The following TLK2 variants were observed in gnomAD, a reference collection of about 807,000 sequenced individuals.
TLK2 encodes the protein tousled like kinase 2, also known as serine/threonine-protein kinase tousled-like 2.
In TLK2, 6 loss-of-function variants were observed where a neutral mutation model predicts 117.3. That is an observed-to-expected ratio of 0.05 (90% CI 0.03 to 0.10). The LOEUF is 0.10. Ranked by LOEUF, TLK2 falls within the 10% of genes least tolerant of loss-of-function variation. The pLI is 1.00. For synonymous variants in TLK2, 257 were observed against 316.7 expected, an observed-to-expected ratio of 0.81 and a Z score of 2.00; for missense variants, 299 against 901.2, an observed-to-expected ratio of 0.33 and a Z score of 8.56.
At chr17:62,506,758 T>G (rs1382164237) in intron 2 of TLK2, among the ~76,000 whole-genome samples, 1 of 152,174 alleles carries the variant, frequency 6.6e-6, no homozygotes, top group East Asian at 1.9e-4. Context: ...AATATTGAAT[T>G]TGTTCTCGAT....
intron 2 of TLK2, among the ~76,000 whole-genome samples, chr17:62,499,401 G>A (rs948117115): frequency 6.6e-6 from 1 of 151,884 alleles, no homozygotes; most frequent in Non-Finnish European, 1.5e-5. Flanking sequence ...CTGGGTTCAA[G>A]TGATTCGCCC....
intron 11 of TLK2, among the ~76,000 whole-genome samples, chr17:62,568,509 G>A (rs1208624972): frequency 6.6e-6 from 1 of 151,966 alleles, no homozygotes; most frequent in Non-Finnish European, 1.5e-5. Flanking sequence ...TATAACTAGA[G>A]GAAGAAATTA....
chr17:62,521,873 A>T (rs1041966214), intron 3 of TLK2, among the ~76,000 whole-genome samples: 1 of 152,224 alleles, frequency 6.6e-6, no homozygotes, highest in African/African-American at 2.4e-5. Context: ...GTGTAACAAC[A>T]GTTTTCTGAG....
intron 8 of TLK2, 64 bp downstream of exon 8, chr17:62,552,461 G>A: frequency 6.2e-7 from 1 of 1,606,880 alleles, no homozygotes; most frequent in Non-Finnish European, 8.5e-7. Flanking sequence ...GGGCTAACCT[G>A]TGTAGTCTGT....
chr17:62,608,720 G>A (rs1448967639), intron 21 of TLK2, among the ~76,000 whole-genome samples: 2 of 152,272 alleles, frequency 1.3e-5, no homozygotes, highest in East Asian at 1.9e-4. Flanking sequence ...ACCATGACAC[G>A]GGATTATGGG....
intron 2 of TLK2, among the ~76,000 whole-genome samples, chr17:62,496,302 C>A (rs550033394): frequency 7.9e-5 from 12 of 151,932 alleles, no homozygotes; most frequent in African/African-American, 2.9e-4. Context: ...TATGGCTGAA[C>A]CGTTTCCTGT....
At chr17:62,512,526 T>TA (rs1378125148) in intron 2 of TLK2, among the ~76,000 whole-genome samples, 1 of 152,158 alleles carries the variant, frequency 6.6e-6, no homozygotes, top group Non-Finnish European at 1.5e-5. Context: ...TCCTCTTTAG[T>TA]AAAATGTCTA....
intron 2 of TLK2, among the ~76,000 whole-genome samples, chr17:62,481,896 T>G (rs1182501391): frequency 6.6e-6 from 1 of 152,214 alleles, no homozygotes; most frequent in Non-Finnish European, 1.5e-5. Flanking sequence ...AAAAGCTTTA[T>G]TGGTCCAAGA....
intron 2 of TLK2, among the ~76,000 whole-genome samples, chr17:62,519,181 A>T (rs1397754053): frequency 1.3e-5 from 2 of 152,144 alleles, no homozygotes; most frequent in Non-Finnish European, 2.9e-5. Context: ...CACTGCTCCC[A>T]GCCTGTTTTG....
intron 15 of TLK2, among the ~76,000 whole-genome samples, chr17:62,581,414 C>T (rs993990926): frequency 1.3e-5 from 2 of 150,672 alleles, no homozygotes; most frequent in Non-Finnish European, 2.9e-5. Context: ...GTGCACTACT[C>T]TACTGGTTTT....
At chr17:62,572,837 C>G (rs2146607087) in intron 11 of TLK2, 1 of 154,526 alleles carries the variant, frequency 6.5e-6, no homozygotes, top group South Asian at 2.0e-4. Flanking sequence ...GAACTTGGAA[C>G]TTTTTACAAC....
chr17:62,561,692 T>C (rs2146368290), intron 10 of TLK2, among the ~76,000 whole-genome samples: 1 of 152,334 alleles, frequency 6.6e-6, no homozygotes, highest in East Asian at 1.9e-4. Flanking sequence ...CCGAAGATAC[T>C]GGGGGAAATT....
At chr17:62,580,761 C>T (rs571323045) in intron 15 of TLK2, among the ~76,000 whole-genome samples, 1 of 152,218 alleles carries the variant, frequency 6.6e-6, no homozygotes, top group South Asian at 2.1e-4. Flanking sequence ...AGCTACAGAT[C>T]CATAACATGT....
At chr17:62,496,060 A>T (rs1259111258) in intron 2 of TLK2, among the ~76,000 whole-genome samples, 2 of 152,042 alleles carry the variant, frequency 1.3e-5, no homozygotes, top group Non-Finnish European at 2.9e-5. Flanking sequence ...TTTCTCCCTT[A>T]TCCACCTGGT....
At chr17:62,484,670 G>A (rs1192355910) in intron 2 of TLK2, among the ~76,000 whole-genome samples, 1 of 152,118 alleles carries the variant, frequency 6.6e-6, no homozygotes, top group Non-Finnish European at 1.5e-5. Flanking sequence ...GTGTGGAGGG[G>A]ATGATGATAC....
chr17:62,481,009 T>A, intron 1 of TLK2, 112 bp from the exon 2 acceptor site: 2 of 964,318 alleles, frequency 2.1e-6, no homozygotes, highest in South Asian at 3.0e-5. Context: ...TACTTGAGAT[T>A]TACCTGCATT....
At chr17:62,523,579 A>AG (rs902450322) in intron 5 of TLK2, among the ~76,000 whole-genome samples, 1 of 152,152 alleles carries the variant, frequency 6.6e-6, no homozygotes, top group Non-Finnish European at 1.5e-5. Flanking sequence ...GTCTCCAAAA[A>AG]AAAGAAAGAA....
intron 17 of TLK2, among the ~76,000 whole-genome samples, chr17:62,598,887 A>G (rs2082676565): frequency 6.6e-6 from 1 of 152,284 alleles, no homozygotes; most frequent in Non-Finnish European, 1.5e-5. Flanking sequence ...GCATGAGTCT[A>G]TATTTCAGAT....
chr17:62,494,019 T>C (rs1394295645), intron 2 of TLK2, among the ~76,000 whole-genome samples: 1 of 152,166 alleles, frequency 6.6e-6, no homozygotes, highest in Non-Finnish European at 1.5e-5. Flanking sequence ...CGTAGGTTAC[T>C]TTTAGAATAT....
Sources: allele counts gnomAD v4.1 joint callset (sites outside exome capture counted in the v4.1 genomes callset), GRCh38; gene constraint gnomAD v4.1.1; transcripts MANE v1.5; gene names NCBI Gene and HGNC (gene_info 2026-07-23, HGNC 2026-07-21).